The following EPB41L2 variants were observed in gnomAD, a reference collection of about 807,000 sequenced individuals.
The protein encoded by EPB41L2 is band 4.1-like protein 2.
Under a neutral mutation model 113.0 loss-of-function variants are expected in EPB41L2, and 43 were observed. That is an observed-to-expected ratio of 0.38 (90% CI 0.30 to 0.49). EPB41L2 has a LOEUF of 0.49. EPB41L2 is among the 20% of genes least tolerant of loss of function. The pLI, the probability that EPB41L2 is intolerant of heterozygous loss-of-function variation, is 0.95. For missense variants in EPB41L2, 1,147 were observed against 1,223.4 expected (o/e 0.94, Z 0.93); for synonymous variants, 442 against 436.7 (o/e 1.01, Z -0.15).
intron 1 of EPB41L2, among the ~76,000 whole-genome samples, chr6:130,985,435 G>A (rs757128697): frequency 3.9e-5 from 6 of 152,178 alleles, no homozygotes; most frequent in Non-Finnish European, 8.8e-5. Context: ...TTGGGTGCGC[G>A]ACAAGAACTC....
chr6:130,990,777 T>C (rs1781648415), intron 1 of EPB41L2, among the ~76,000 whole-genome samples: 2 of 152,052 alleles, frequency 1.3e-5, no homozygotes, highest in African/African-American at 4.8e-5. Flanking sequence ...GCCGAGGACA[T>C]ATAATTAAAT....
At chr6:131,042,260 A>G (rs1259424200) in intron 1 of EPB41L2, among the ~76,000 whole-genome samples, 1 of 152,248 alleles carries the variant, frequency 6.6e-6, no homozygotes, top group Non-Finnish European at 1.5e-5. Context: ...TCTAATACCT[A>G]GCAAAATGAG....
At chr6:130,878,365 T>C (rs1788228124) in intron 13 of EPB41L2, 115 bp from the exon 14 acceptor site, 14 of 1,226,968 alleles carry the variant, frequency 1.1e-5, no homozygotes, top group South Asian at 3.2e-5. Context: ...AAAAAAACCA[T>C]AGTAAAGCAA....
At chr6:131,046,091 T>C (rs1303001863) in intron 1 of EPB41L2, among the ~76,000 whole-genome samples, 1 of 150,610 alleles carries the variant, frequency 6.6e-6, no homozygotes, top group Non-Finnish European at 1.5e-5. Flanking sequence ...TTTTTTTTTT[T>C]TTTTTTTTTA....
chr6:130,876,607 G>A, intron 14 of EPB41L2: 1 of 980,512 alleles, frequency 1.0e-6, no homozygotes, highest in South Asian at 1.6e-5. Context: ...AAATCTTATG[G>A]CTGTGGATAG....
intron 1 of EPB41L2, among the ~76,000 whole-genome samples, chr6:130,966,341 A>G (rs921888226): frequency 6.6e-6 from 1 of 152,230 alleles, no homozygotes; most frequent in Non-Finnish European, 1.5e-5. Context: ...CACTTGGGAT[A>G]ATAACTCCAA....
chr6:130,857,766 C>T (rs2128422149), intron 19 of EPB41L2, among the ~76,000 whole-genome samples: 1 of 151,986 alleles, frequency 6.6e-6, no homozygotes, highest in East Asian at 1.9e-4. Flanking sequence ...AGCTCATCTC[C>T]CTCTTATCTC....
At chr6:130,873,091 T>C (rs772912495) in intron 14 of EPB41L2, among the ~76,000 whole-genome samples, 33 of 152,096 alleles carry the variant, frequency 2.2e-4, no homozygotes, top group Non-Finnish European at 3.7e-4. Flanking sequence ...AATACCACCT[T>C]AACTCTCTGT....
chr6:131,013,146 C>T (rs932057884), intron 1 of EPB41L2, among the ~76,000 whole-genome samples: 1 of 152,026 alleles, frequency 6.6e-6, no homozygotes, highest in Non-Finnish European at 1.5e-5. Flanking sequence ...AGTAGTTACA[C>T]ATATTATTTT....
intron 3 of EPB41L2, among the ~76,000 whole-genome samples, chr6:130,944,346 A>C (rs1475692969): frequency 1.3e-5 from 2 of 152,198 alleles, no homozygotes; most frequent in Non-Finnish European, 2.9e-5. Flanking sequence ...AAATAAATCA[A>C]AATTACTTTC....
intron 3 of EPB41L2, among the ~76,000 whole-genome samples, chr6:130,934,785 CTTTT>C (rs1256756022): frequency 4.3e-5 from 6 of 140,522 alleles, no homozygotes; most frequent in African/African-American, 1.1e-4. Context: ...CCGTCCCTTT[CTTTT>C]TGTTTTCTTT....
At chr6:130,983,913 CTT>C (rs1779940519) in intron 1 of EPB41L2, among the ~76,000 whole-genome samples, 2 of 152,100 alleles carry the variant, frequency 1.3e-5, no homozygotes, top group African/African-American at 4.8e-5. Flanking sequence ...CCTTAGCTGT[CTT>C]TTTACTTTAT....
chr6:130,908,660 T>C (rs1264735581), intron 5 of EPB41L2, among the ~76,000 whole-genome samples, 161 bp downstream of exon 5: 3 of 152,194 alleles, frequency 2.0e-5, no homozygotes, highest in Admixed American at 2.0e-4. Flanking sequence ...ACCTGAGCCA[T>C]GTACGAAACA....
chr6:130,890,583 A>T, intron 10 of EPB41L2, 117 bp from the exon 11 acceptor site: 1 of 1,207,662 alleles, frequency 8.3e-7, no homozygotes, highest in Non-Finnish European at 1.1e-6. Flanking sequence ...TTTAAGTATG[A>T]TTACTCAAAA....
chr6:130,964,079 T>C (rs1774337294), intron 1 of EPB41L2, among the ~76,000 whole-genome samples: 1 of 151,978 alleles, frequency 6.6e-6, no homozygotes, highest in Non-Finnish European at 1.5e-5. Context: ...TGAAGTGCCA[T>C]GGCATGATAT....
intron 3 of EPB41L2, among the ~76,000 whole-genome samples, chr6:130,937,089 C>T (rs1030986851): frequency 1.3e-5 from 2 of 152,198 alleles, no homozygotes; most frequent in Admixed American, 6.5e-5. Flanking sequence ...ACCAACATCC[C>T]ACACAGTGGG....
Position 130,915,844 on chromosome 6 carries a change from G to A in EPB41L2, c.811-6981C>T, listed in dbSNP as rs1362637088. Among the ~76,000 whole-genome samples the A allele has an allele frequency of 3.3e-5, 5 of 152,268 alleles. No individual in the cohort carries two copies. In the East Asian group the frequency reaches 9.7e-4, roughly 29 times the overall value. ...TCTCTCTCTGCCTGCCACCATCCAT[G>A]TAAGATGTGACTTGCTCCTCCTTGC... On this transcript the variant is annotated intron_variant, in intron 4 of 19. Coordinates refer to ENST00000337057, the MANE Select transcript of EPB41L2 (RefSeq NM_001431.4).
intron 1 of EPB41L2, among the ~76,000 whole-genome samples, chr6:130,997,286 G>C (rs1449162116): frequency 6.6e-6 from 1 of 152,144 alleles, no homozygotes; most frequent in African/African-American, 2.4e-5. Flanking sequence ...GAGTGTACTT[G>C]CCACTTAAAA....
intron 10 of EPB41L2, 23 bp from the exon 11 acceptor site, chr6:130,890,489 A>G (rs761285542): frequency 6.4e-7 from 1 of 1,574,050 alleles, no homozygotes; most frequent in Non-Finnish European, 8.6e-7. Flanking sequence ...AAAAAAAAAA[A>G]AAGAGAGAGA....
Sources: gnomAD v4.1 joint callset for allele counts (sites outside exome capture counted in the v4.1 genomes callset) on GRCh38, gnomAD v4.1.1 for gene constraint, MANE v1.5 for transcripts, NCBI Gene and HGNC (gene_info 2026-07-23, HGNC 2026-07-21) for gene names.